Variants in PCLO observed in about 807,000 individuals in gnomAD.
PCLO encodes piccolo presynaptic cytomatrix protein, also known as protein piccolo.
A neutral mutation model predicts 427.5 loss-of-function variants in PCLO; 82 were observed. The ratio of observed to expected loss-of-function variants is 0.19; its 90% CI spans 0.16 to 0.23. PCLO has a LOEUF of 0.23. Among genes scored for constraint, PCLO ranks in the 10% least tolerant of loss-of-function variants. The pLI is 1.00. For missense variants in PCLO, 6,239 were observed against 6,115.9 expected, an observed-to-expected ratio of 1.02 and a Z score of -0.67; for synonymous variants, 2,357 against 2,155.4, an observed-to-expected ratio of 1.09 and a Z score of -2.59.
intron 22 of PCLO, among the ~76,000 whole-genome samples, chr7:82,774,428 T>C (rs1169959591): frequency 6.6e-6 from 1 of 152,210 alleles, no homozygotes; most frequent in African/African-American, 2.4e-5. Flanking sequence ...ACCATTTTTA[T>C]CATTATATCT....
At chr7:83,073,017 C>T (rs1789858564) in intron 3 of PCLO, among the ~76,000 whole-genome samples, 1 of 151,720 alleles carries the variant, frequency 6.6e-6, no homozygotes, top group Non-Finnish European at 1.5e-5. Flanking sequence ...AGTCTATTAC[C>T]TTCAAAATTT....
At position 82,884,103 on chromosome 7, in the gene PCLO, A is replaced by C. The variant is rs77194341; in HGVS notation, c.13529-4641T>G. On this transcript the variant is annotated intron_variant, in intron 9 of 24. Coordinates refer to ENST00000333891, the MANE Select transcript of PCLO (RefSeq NM_033026.6). Reference sequence around the variant, plus strand: ...TTTTAAATATATATCCTTTATGTACATGAAAAATTTGAAGAGAACAATTCA... The same window carrying C: ...TTTTAAATATATATCCTTTATGTACCTGAAAAATTTGAAGAGAACAATTCA... Among the ~76,000 whole-genome samples the C allele has an allele frequency of 5.6e-3, 853 of 152,310 alleles. 11 individuals are homozygous for C. The highest frequency in any genetic ancestry group is 0.019 in the African/African-American group (803 of 41,570).
chr7:82,858,445 C>A (rs1354684393), intron 10 of PCLO, among the ~76,000 whole-genome samples: 1 of 152,084 alleles, frequency 6.6e-6, no homozygotes, highest in African/African-American at 2.4e-5. Flanking sequence ...TACTGGAAGT[C>A]CTACCCAGAG....
intron 9 of PCLO, among the ~76,000 whole-genome samples, chr7:82,894,926 T>C (rs1793864971): frequency 6.6e-6 from 1 of 152,064 alleles, no homozygotes; most frequent in African/African-American, 2.4e-5. Context: ...GAGCCCAAAC[T>C]GTTCACACAA....
rs747244028 is a variant in PCLO at position 82,966,089 on chromosome 7, CT to C, written c.3698del (p.Lys1233SerfsTer4). On this transcript the variant is annotated frameshift_variant, in exon 4 of 25. Coordinates refer to ENST00000333891, the MANE Select transcript of PCLO (RefSeq NM_033026.6). LOFTEE classifies it high-confidence loss of function. The stretch of plus-strand genomic sequence containing the variant: ...TTGGCTTTTTTTCTTCTAGGAGTGG[CT>C]TTTTTTCTTCAGAACGTATCTTTTC... ...EEEKIRSEEK[K>X]PLLEEKKPTP... 1.2e-6 allele frequency: 2 copies of C among 1,611,234 alleles called. No individual in the cohort carries two copies. Among genetic ancestry groups the C allele is most frequent in the South Asian group, 2.2e-5 (2 of 90,436 alleles).
At chr7:82,906,219 A>G (rs1178605845) in intron 8 of PCLO, among the ~76,000 whole-genome samples, 8 of 151,988 alleles carry the variant, frequency 5.3e-5, no homozygotes, top group Non-Finnish European at 1.0e-4. Context: ...TCTTATGTAA[A>G]CTAGTTTTAA....
intron 2 of PCLO, among the ~76,000 whole-genome samples, chr7:83,149,036 C>T (rs1317174090): frequency 6.6e-6 from 1 of 152,106 alleles, no homozygotes. Context: ...AGAAGCATCA[C>T]CTCCACTTCT....
intron 2 of PCLO, among the ~76,000 whole-genome samples, chr7:83,148,044 A>G (rs1792037868): frequency 6.6e-6 from 1 of 152,134 alleles, no homozygotes; most frequent in Non-Finnish European, 1.5e-5. Context: ...TATGCTGTGG[A>G]TTTCATAAAA....
chr7:82,982,561 T>TA (rs1438048724), intron 3 of PCLO, among the ~76,000 whole-genome samples: 1 of 151,700 alleles, frequency 6.6e-6, no homozygotes, highest in African/African-American at 2.4e-5. Context: ...TGATTCAAGA[T>TA]AAAAAACAGA....
chr7:82,889,224 A>G (rs1021326769), intron 9 of PCLO, among the ~76,000 whole-genome samples: 4 of 152,190 alleles, frequency 2.6e-5, no homozygotes, highest in African/African-American at 7.2e-5. Flanking sequence ...AACTTTGAGC[A>G]TATGTGACTA....
chr7:82,782,243 A>T (rs1345147009), intron 22 of PCLO, among the ~76,000 whole-genome samples: 1 of 152,154 alleles, frequency 6.6e-6, no homozygotes, highest in Non-Finnish European at 1.5e-5. Context: ...GTGTGTGGGG[A>T]AAACAGCCCC....
intron 6 of PCLO, among the ~76,000 whole-genome samples, chr7:82,940,687 C>CT (rs5885318): frequency 0.53 from 75,142 of 142,634 alleles, 19,707 homozygotes; most frequent in East Asian, 0.8. Context: ...AGAAGTACTC[C>CT]TTTTTTTTTT....
At chr7:82,885,453 C>A (rs1793605284) in intron 9 of PCLO, among the ~76,000 whole-genome samples, 1 of 152,076 alleles carries the variant, frequency 6.6e-6, no homozygotes, top group Non-Finnish European at 1.5e-5. Flanking sequence ...CCCAGTTAAG[C>A]CATGCCTGGA....
chr7:82,807,332 G>A (rs372904104), intron 20 of PCLO, among the ~76,000 whole-genome samples: 8 of 152,182 alleles, frequency 5.3e-5, no homozygotes, highest in African/African-American at 9.6e-5. Flanking sequence ...TCATAAATGC[G>A]TCCCTATCCC....
intron 22 of PCLO, among the ~76,000 whole-genome samples, chr7:82,767,175 A>G (rs2074400): frequency 0.46 from 69,694 of 152,006 alleles, 17,432 homozygotes; most frequent in East Asian, 0.72. Context: ...CAGAGGACAT[A>G]TGATGATGTT....
intron 20 of PCLO, chr7:82,822,251 T>G: frequency 7.4e-7 from 1 of 1,358,720 alleles, no homozygotes; most frequent in East Asian, 3.0e-5. Flanking sequence ...ATGAGCCAGG[T>G]TGGATGGATG....
intron 6 of PCLO, among the ~76,000 whole-genome samples, chr7:82,944,112 G>C (rs1274890235): frequency 8.6e-6 from 1 of 115,618 alleles, no homozygotes; most frequent in Non-Finnish European, 1.6e-5. Flanking sequence ...TTACACTCCA[G>C]CCTGGGCAAC....
At chr7:82,861,843 A>T (rs1164967965) in intron 10 of PCLO, among the ~76,000 whole-genome samples, 4 of 151,996 alleles carry the variant, frequency 2.6e-5, no homozygotes, top group African/African-American at 9.7e-5. Context: ...ATTCAAATAT[A>T]CAGAAATTAA....
chr7:82,970,922 C>T (rs143345542), intron 3 of PCLO, among the ~76,000 whole-genome samples: 1 of 151,692 alleles, frequency 6.6e-6, no homozygotes, highest in Admixed American at 6.6e-5. Context: ...CAATTATAAA[C>T]AAACTGACCA....
Sources: allele counts gnomAD v4.1 joint callset (sites outside exome capture counted in the v4.1 genomes callset), GRCh38; gene constraint gnomAD v4.1.1; transcripts MANE v1.5; gene names NCBI Gene and HGNC (gene_info 2026-07-23, HGNC 2026-07-21).